The following EGFLAM variants were observed in gnomAD, a reference collection of about 807,000 sequenced individuals.
The protein encoded by EGFLAM is EGF like, fibronectin type III and laminin G domains.
EGFLAM carries 79 observed loss-of-function variants against 113.1 expected under a neutral mutation model. That is an observed-to-expected ratio of 0.70 (90% confidence interval 0.58 to 0.84). EGFLAM has a LOEUF of 0.84. EGFLAM is among the 40% of genes least tolerant of loss of function. The pLI is 0.00. For missense variants in EGFLAM, 1,265 were observed against 1,291.6 expected (o/e 0.98, Z 0.32); for synonymous variants, 504 against 487.6 (o/e 1.03, Z -0.44).
At chr5:38,451,521 G>GC in intron 19 of EGFLAM, 63 bp downstream of exon 19, 6 of 1,570,248 alleles carry the variant, frequency 3.8e-6, no homozygotes, top group Non-Finnish European at 5.2e-6. Flanking sequence ...TGCAGATCAT[G>GC]CCAGAGTGAT....
chr5:38,269,704 T>C (rs1757721785), intron 1 of EGFLAM, among the ~76,000 whole-genome samples: 1 of 152,126 alleles, frequency 6.6e-6, no homozygotes, highest in Non-Finnish European at 1.5e-5. Context: ...TTAGCCAGGA[T>C]AGTCTCGATC....
intron 17 of EGFLAM, 42 bp from the exon 18 acceptor site, chr5:38,448,259 G>C (rs1454926149): frequency 1.2e-6 from 2 of 1,609,332 alleles, no homozygotes; most frequent in Non-Finnish European, 8.5e-7. Context: ...GGGGTCAAGA[G>C]AACCACATAC....
chr5:38,363,735 A>AGG (rs1739987688), intron 5 of EGFLAM, among the ~76,000 whole-genome samples: 2 of 152,218 alleles, frequency 1.3e-5, no homozygotes, highest in Non-Finnish European at 2.9e-5. Flanking sequence ...GCCTTTAAAA[A>AGG]CATCATTCCG....
chr5:38,418,106 T>A lies in EGFLAM; in HGVS notation c.1535T>A (p.Leu512His). 6.2e-7 allele frequency: 1 copy of A among 1,614,178 alleles called. No homozygotes were observed. The highest frequency in any genetic ancestry group is 8.5e-7 in the Non-Finnish European group (1 of 1,180,022). Residue 512 changes from leucine (L) to histidine (H), a missense_variant, in exon 12 of 22, where the codon CTT becomes CAT. Transcript: ENST00000322350. ...ATTACTTTCCGGACACCTCTCTATC[T>A]TGGTGGCGCTCCCAGCGCTTACTGG... ...SKITFRTPLY[L>H]GGAPSAYWLV...
chr5:38,276,240 G>A (rs34417601), intron 1 of EGFLAM, among the ~76,000 whole-genome samples: 62,886 of 151,996 alleles, frequency 0.41, 13,559 homozygotes, highest in Middle Eastern at 0.56. Context: ...AACACGGGAA[G>A]GACCTGTCCC....
intron 2 of EGFLAM, among the ~76,000 whole-genome samples, chr5:38,338,331 A>T (rs1323341338): frequency 6.6e-6 from 1 of 152,152 alleles, no homozygotes; most frequent in Non-Finnish European, 1.5e-5. Context: ...GCCGTTGATC[A>T]TGGCCCTCAT....
At chr5:38,438,241 A>G (rs1252814954) in intron 16 of EGFLAM, 34 bp from the exon 17 acceptor site, 1 of 1,592,478 alleles carries the variant, frequency 6.3e-7, no homozygotes, top group African/African-American at 1.3e-5. Flanking sequence ...ATGTTTCTTA[A>G]TTCCTGAATT....
At chr5:38,359,981 G>A (rs1561293131) in intron 5 of EGFLAM, among the ~76,000 whole-genome samples, 1 of 152,116 alleles carries the variant, frequency 6.6e-6, no homozygotes, top group Non-Finnish European at 1.5e-5. Context: ...GACTTTCAAG[G>A]TCATGCAACC....
At chr5:38,366,337 G>C (rs1740059578) in intron 5 of EGFLAM, among the ~76,000 whole-genome samples, 1 of 152,156 alleles carries the variant, frequency 6.6e-6, no homozygotes, top group South Asian at 2.1e-4. Context: ...CTTCCTACTG[G>C]TCCTTAGAGG....
At chr5:38,413,213 G>GTTC (rs1741540933) in intron 11 of EGFLAM, among the ~76,000 whole-genome samples, 1 of 101,744 alleles carries the variant, frequency 9.8e-6, no homozygotes, top group African/African-American at 3.7e-5. Context: ...TTTTTTTGTA[G>GTTC]AGTTAGAGTT....
chr5:38,456,234 T>C (rs1743081720), intron 19 of EGFLAM, among the ~76,000 whole-genome samples: 1 of 152,170 alleles, frequency 6.6e-6, no homozygotes, highest in Non-Finnish European at 1.5e-5. Context: ...AAGGGATTAT[T>C]ATCCCCGTTT....
At chr5:38,354,879 G>T (rs1219044217) in intron 5 of EGFLAM, among the ~76,000 whole-genome samples, 4 of 152,138 alleles carry the variant, frequency 2.6e-5, no homozygotes, top group Admixed American at 2.0e-4. Context: ...GGTAGAAATG[G>T]CAGTTTCTTA....
intron 5 of EGFLAM, among the ~76,000 whole-genome samples, chr5:38,367,855 G>A (rs190830387): frequency 2.0e-5 from 3 of 152,258 alleles, no homozygotes; most frequent in East Asian, 3.9e-4. Context: ...GAGGCAAAAT[G>A]TTAAAGGTTT....
intron 5 of EGFLAM, among the ~76,000 whole-genome samples, chr5:38,368,266 C>T (rs532427988): frequency 1.3e-5 from 2 of 152,232 alleles, no homozygotes; most frequent in South Asian, 2.1e-4. Flanking sequence ...TTCCACTCAC[C>T]GAGGTTTTCT....
At chr5:38,418,736 A>G (rs936076107) in intron 12 of EGFLAM, among the ~76,000 whole-genome samples, 6 of 152,228 alleles carry the variant, frequency 3.9e-5, no homozygotes, top group African/African-American at 1.4e-4. Flanking sequence ...ACTAACGCTA[A>G]GAGGTAGAAG....
chr5:38,455,315 C>G (rs1216998204), intron 19 of EGFLAM, among the ~76,000 whole-genome samples: 1 of 152,138 alleles, frequency 6.6e-6, no homozygotes, highest in African/African-American at 2.4e-5. Flanking sequence ...CTGAGTGGCT[C>G]AGAATAACCC....
intron 6 of EGFLAM, among the ~76,000 whole-genome samples, chr5:38,388,306 A>G (rs1435986591): frequency 6.6e-6 from 1 of 152,172 alleles, no homozygotes; most frequent in Non-Finnish European, 1.5e-5. Flanking sequence ...GTCTTACAGA[A>G]CTCTTAATGT....
At chr5:38,311,048 G>A (rs530021738) in intron 1 of EGFLAM, among the ~76,000 whole-genome samples, 4 of 151,896 alleles carry the variant, frequency 2.6e-5, no homozygotes, top group South Asian at 4.2e-4. Context: ...TGGGTTGGTC[G>A]CATTTCCTAT....
Position 38,445,477 on chromosome 5 carries a change from A to G in EGFLAM, c.2465-2824A>G, listed in dbSNP as rs750262771. ...GTGAGGAGGCGGGTGGCTGGGTGCC[A>G]ATCATGCTGAGGAGAGATTTCCAGT... On this transcript the variant is annotated intron_variant, in intron 17 of 21. Transcript: ENST00000322350. 4.9e-6 allele frequency: 7 copies of G among 1,441,194 alleles called. No individual in the cohort carries two copies. In the East Asian group the frequency reaches 1.0e-4, roughly 21 times the overall value. The allele number at this position is 1,441,194 out of a possible 1,614,324, so 89.3% of individuals were successfully genotyped here.
Sources: allele counts gnomAD v4.1 joint callset (sites outside exome capture counted in the v4.1 genomes callset), GRCh38; gene constraint gnomAD v4.1.1; transcripts MANE v1.5; gene names NCBI Gene and HGNC (gene_info 2026-07-23, HGNC 2026-07-21).